Variants in CCNH observed in about 807,000 individuals in gnomAD.
CCNH encodes the protein cyclin H.
A neutral mutation model predicts 41.9 loss-of-function variants in CCNH; 31 were observed. The ratio of observed to expected loss-of-function variants is 0.74; its 90% CI spans 0.56 to 1.00. The LOEUF (loss-of-function observed/expected upper bound fraction) is 1.00, where lower values mean the gene tolerates loss of function less well. Among genes scored for constraint, CCNH ranks in the 50% least tolerant of loss-of-function variants. The pLI is 0.00. For synonymous variants in CCNH, 138 were observed against 136.1 expected (o/e 1.01, Z -0.10); for missense variants, 362 against 388.4 (o/e 0.93, Z 0.57).
downstream of CCNH, among the ~76,000 whole-genome samples, chr5:87,316,909 G>A (rs1756383667): frequency 6.6e-6 from 1 of 151,144 alleles, no homozygotes; most frequent in Non-Finnish European, 1.5e-5. Flanking sequence ...TGGAGAAAGA[G>A]TCTTGCTCTG....
At chr5:87,323,740 T>C (rs549397847) in intron 9 of CCNH, among the ~76,000 whole-genome samples, 6 of 152,292 alleles carry the variant, frequency 3.9e-5, no homozygotes, top group African/African-American at 1.4e-4. Flanking sequence ...CCTGTGCTTT[T>C]TCCCACTGCC....
At chr5:87,367,624 TAGAA>T (rs1206145034) in intron 9 of CCNH, among the ~76,000 whole-genome samples, 2 of 152,300 alleles carry the variant, frequency 1.3e-5, no homozygotes, top group African/African-American at 2.4e-5. Context: ...CTGCATTACT[TAGAA>T]AGATGTCTTA....
chr5:87,316,307 T>G (rs998373147), downstream of CCNH, among the ~76,000 whole-genome samples: 7 of 152,176 alleles, frequency 4.6e-5, no homozygotes, highest in Non-Finnish European at 1.0e-4. Flanking sequence ...GAGGGCCAGT[T>G]GGTTTCAGAA....
chr5:87,317,291 T>G (rs1756417150), downstream of CCNH, among the ~76,000 whole-genome samples: 1 of 152,192 alleles, frequency 6.6e-6, no homozygotes, highest in Admixed American at 6.5e-5. Context: ...CCTTAGCTGC[T>G]CTGCTTTGCC....
In CCNH at chr5:87,362,589, G is replaced by A. The variant is rs140707293; in HGVS notation, c.*90+30181C>T. 3.4e-4 allele frequency: 545 copies of A among 1,596,990 alleles called. No homozygotes were observed. The African/African-American group carries it at 6.6e-3, about 19-fold the overall frequency. ...TACTCAATGACACAGTGGATGGCAAGGAAATCTATAATACCATCCGTCGTA... is the reference window on the plus strand; with the variant it reads ...TACTCAATGACACAGTGGATGGCAAAGAAATCTATAATACCATCCGTCGTA... On this transcript the variant is annotated intron_variant and NMD_transcript_variant, in intron 9 of 9. Coordinates refer to the CCNH transcript ENST00000645953.
intron 9 of CCNH, among the ~76,000 whole-genome samples, chr5:87,364,474 G>T (rs1277438954): frequency 6.6e-6 from 1 of 152,046 alleles, no homozygotes; most frequent in Non-Finnish European, 1.5e-5. Context: ...AAAATAGTAT[G>T]AATTACTTCA....
chr5:87,376,493 G>T lies in CCNH; in HGVS notation n.688C>A, dbSNP rs374292148. On this transcript the variant is annotated non_coding_transcript_exon_variant, in exon 1 of 1. Coordinates refer to the CCNH transcript ENST00000607486. Reference sequence around the variant, plus strand: ...TACCATTAAAAGGTATTGAACCAGGGTCCCTGCGTGTTCGAGCACGATACT... The same window carrying T: ...TACCATTAAAAGGTATTGAACCAGGTTCCCTGCGTGTTCGAGCACGATACT... The T allele has an allele frequency of 1.9e-6, 3 of 1,614,000 alleles. No homozygotes were observed. Among genetic ancestry groups the T allele is most frequent in the Non-Finnish European group, 2.5e-6 (3 of 1,179,982 alleles).
chr5:87,347,773 C>T (rs2112417483), intron 9 of CCNH, among the ~76,000 whole-genome samples: 3 of 152,030 alleles, frequency 2.0e-5, no homozygotes, highest in African/African-American at 7.2e-5. Flanking sequence ...AAATTTTAAA[C>T]TAAAATGACA....
intron 9 of CCNH, among the ~76,000 whole-genome samples, chr5:87,326,393 T>C (rs1423880260): frequency 6.6e-6 from 1 of 152,184 alleles, no homozygotes; most frequent in Admixed American, 6.5e-5. Context: ...TGATATTGTA[T>C]GTAAATTGAT....
At chr5:87,321,403 C>A (rs143154074) in intron 9 of CCNH, among the ~76,000 whole-genome samples, 21 of 152,294 alleles carry the variant, frequency 1.4e-4, no homozygotes, top group Admixed American at 5.9e-4. Context: ...AGATTCCCAA[C>A]GGCTGAGGGC....
downstream of CCNH, chr5:87,391,755 A>C (rs1207591228): frequency 2.6e-5 from 6 of 232,636 alleles, no homozygotes; most frequent in East Asian, 6.1e-5. Context: ...TTATGCAGAC[A>C]ACCTCATCAG....
At chr5:87,390,175 G>A (rs1762394107), downstream of CCNH, among the ~76,000 whole-genome samples, 1 of 152,214 alleles carries the variant, frequency 6.6e-6, no homozygotes, top group Non-Finnish European at 1.5e-5. Context: ...GGTCAATTAA[G>A]ATATTGGAGA....
chr5:87,317,587 A>G (rs1259614867), downstream of CCNH, among the ~76,000 whole-genome samples: 1 of 150,276 alleles, frequency 6.7e-6, no homozygotes, highest in Non-Finnish European at 1.5e-5. Flanking sequence ...TTCTGTTTTT[A>G]AGGAAAAGAT....
At chr5:87,380,636 G>A (rs1413010881), upstream of CCNH, 4 of 1,500,108 alleles carry the variant, frequency 2.7e-6, no homozygotes, top group East Asian at 6.8e-5. Context: ...CATACTAATA[G>A]GTGGATAATT....
chr5:87,342,747 G>C (rs926452398), intron 9 of CCNH, among the ~76,000 whole-genome samples: 1 of 152,134 alleles, frequency 6.6e-6, no homozygotes, highest in Admixed American at 6.6e-5. Context: ...TAATCACTTT[G>C]TCTAGTTGTC....
rs375955863 is a variant in CCNH, at chr5:87,405,003, C to T, written c.530G>A (p.Arg177His). The T allele has an allele frequency of 6.2e-6, 10 of 1,608,072 alleles. No individual in the cohort carries two copies. The highest frequency in any genetic ancestry group is 5.1e-5 in the Admixed American group (3 of 58,882). Reference protein sequence around the residue: ...FEGFLIDLKTRYPILENPEIL... With the variant: ...FEGFLIDLKTHYPILENPEIL... ...CTCTGGATTCTCCAATATGGGATAG[C>T]GGGTCTACAAAGAAAGTTTGCAAAT... Residue 177 changes from arginine (R) to histidine (H), a missense_variant, in exon 5 of 9, where the codon CGC (arginine) becomes CAC (histidine). By Grantham distance (29) the Arg-to-His change is conservative. Transcript: ENST00000256897.
In CCNH at chr5:87,409,297, T is replaced by A. The variant is rs1764037242; in HGVS notation, c.307A>T (p.Ile103Leu). 1 of 1,536,126 alleles carries A rather than the reference T, an allele frequency of 6.5e-7. No individual in the cohort carries two copies. Among genetic ancestry groups the A allele is most frequent in the Non-Finnish European group, 9.0e-7 (1 of 1,110,488 alleles). The stretch of plus-strand genomic sequence containing the variant: ...TTAGACAGACATACTCACATTATTA[T>A]CCTGGGGTGATATTCCATTACTGAG... ...NNSVMEYHPR[I>L]IMLTCAFLAC... The change falls in exon 3 of 9, where the codon ATA becomes TTA. Residue 103 changes from isoleucine to leucine, a missense_variant. By Grantham distance (5) the Ile-to-Leu change is conservative (BLOSUM62 2). Transcript: ENST00000256897.
At chr5:87,344,158 A>T (rs1316949041) in intron 9 of CCNH, among the ~76,000 whole-genome samples, 1 of 152,172 alleles carries the variant, frequency 6.6e-6, no homozygotes, top group East Asian at 1.9e-4. Context: ...TTTACTGGAT[A>T]TTTAAAAATA....
At chr5:87,412,428 T>A in intron 1 of CCNH, 1 of 1,350,966 alleles carries the variant, frequency 7.4e-7, no homozygotes, top group South Asian at 1.6e-5. Flanking sequence ...CTTAGCACAC[T>A]ACTTACTCTC....
Sources: gnomAD v4.1 joint callset for allele counts (sites outside exome capture counted in the v4.1 genomes callset) on GRCh38, gnomAD v4.1.1 for gene constraint, MANE v1.5 for transcripts, NCBI Gene and HGNC (gene_info 2026-07-23, HGNC 2026-07-21) for gene names.